Variants in LCORL observed in about 807,000 individuals in gnomAD.
LCORL encodes the protein ligand dependent nuclear receptor corepressor like, also known as ligand-dependent nuclear receptor corepressor-like protein.
Under a neutral mutation model 141.8 loss-of-function variants are expected in LCORL, and 41 were observed. That is an observed-to-expected ratio of 0.29 (90% confidence interval 0.23 to 0.38). LCORL has a LOEUF of 0.38. Among genes scored for constraint, LCORL ranks in the 10% least tolerant of loss-of-function variants. The probability of loss-of-function intolerance (pLI) is 1.00; values close to 1 mark genes in which losing one functional copy is unlikely to be tolerated. For synonymous variants in LCORL, 618 were observed against 694.1 expected (o/e 0.89, Z 1.72); for missense variants, 1,759 against 2,035.0 (o/e 0.86, Z 2.61).
intron 5 of LCORL, among the ~76,000 whole-genome samples, chr4:17,907,486 T>C (rs1330967293): frequency 2.6e-5 from 4 of 152,176 alleles, no homozygotes; most frequent in Non-Finnish European, 5.9e-5. Flanking sequence ...GCCTATGTTC[T>C]AGTCTCTTCA....
intron 4 of LCORL, among the ~76,000 whole-genome samples, chr4:17,961,210 TA>T (rs1713718866): frequency 6.6e-6 from 1 of 151,952 alleles, no homozygotes; most frequent in Non-Finnish European, 1.5e-5. Flanking sequence ...GTCCAGGTGG[TA>T]AAAATAAGAC....
chr4:17,927,067 C>T (rs1490141447), intron 4 of LCORL, among the ~76,000 whole-genome samples: 1 of 152,218 alleles, frequency 6.6e-6, no homozygotes, highest in Non-Finnish European at 1.5e-5. Flanking sequence ...TTGTTTGGTA[C>T]AGCCACCTTC....
intron 4 of LCORL, among the ~76,000 whole-genome samples, chr4:17,941,673 C>T (rs1737983707): frequency 1.3e-5 from 2 of 152,118 alleles, no homozygotes; most frequent in Admixed American, 6.5e-5. Context: ...ATATACAAAA[C>T]ACTTAAGTAT....
chr4:17,965,057 C>T (rs1358190318), intron 2 of LCORL, among the ~76,000 whole-genome samples: 3 of 151,922 alleles, frequency 2.0e-5, no homozygotes, highest in Non-Finnish European at 4.4e-5. Flanking sequence ...ATCAAGGCAT[C>T]CTGAGATTGT....
At chr4:17,870,501 G>A (rs190194321) in intron 7 of LCORL, among the ~76,000 whole-genome samples, 41 of 151,980 alleles carry the variant, frequency 2.7e-4, no homozygotes, top group Admixed American at 1.2e-3. Context: ...ACAATCCATC[G>A]CTCTCTCTCT....
chr4:17,881,804 T>C, intron 6 of LCORL: 1 of 982,946 alleles, frequency 1.0e-6, no homozygotes, highest in African/African-American at 1.7e-5. Context: ...AAGAGGTCAA[T>C]AAAATTGTTT....
At chr4:17,872,104 C>G (rs1014808623) in intron 7 of LCORL, among the ~76,000 whole-genome samples, 1 of 151,582 alleles carries the variant, frequency 6.6e-6, no homozygotes, top group Non-Finnish European at 1.5e-5. Context: ...TTCCCCAACC[C>G]CCCCAAAAAC....
intron 6 of LCORL, chr4:17,883,176 A>G (rs1727803044): frequency 4.1e-6 from 4 of 982,304 alleles, no homozygotes; most frequent in Non-Finnish European, 4.8e-6. Context: ...TGTATTTCAT[A>G]GAATGCACTG....
At chr4:17,996,064 C>T (rs1381094082) in intron 1 of LCORL, among the ~76,000 whole-genome samples, 1 of 151,894 alleles carries the variant, frequency 6.6e-6, no homozygotes, top group African/African-American at 2.4e-5. Flanking sequence ...AAATGTAATG[C>T]AATAAACAAA....
intron 4 of LCORL, among the ~76,000 whole-genome samples, chr4:17,934,844 CAT>C (rs1186315367): frequency 6.6e-6 from 1 of 152,152 alleles, no homozygotes; most frequent in Non-Finnish European, 1.5e-5. Flanking sequence ...AGACTAAAAG[CAT>C]TCACGAAACA....
At chr4:17,873,242 G>T (rs190454630) in intron 7 of LCORL, 146 bp downstream of exon 7, 1 of 445,038 alleles carries the variant, frequency 2.2e-6, no homozygotes, top group African/African-American at 2.0e-5. Flanking sequence ...CTAATTTCAC[G>T]AGTTTCATAC....
intron 1 of LCORL, among the ~76,000 whole-genome samples, chr4:17,974,989 T>C (rs139728280): frequency 2.1e-3 from 326 of 152,216 alleles, no homozygotes; most frequent in African/African-American, 7.3e-3. Flanking sequence ...TGACTAAAAA[T>C]TGAGTAATTT....
intron 1 of LCORL, among the ~76,000 whole-genome samples, chr4:18,007,873 T>C (rs1210723628): frequency 6.6e-6 from 1 of 152,118 alleles, no homozygotes; most frequent in African/African-American, 2.4e-5. Flanking sequence ...CTATTCTATT[T>C]ATGTGCTATG....
At chr4:17,978,566 C>T (rs902279829) in intron 1 of LCORL, among the ~76,000 whole-genome samples, 3 of 143,822 alleles carry the variant, frequency 2.1e-5, no homozygotes, top group Non-Finnish European at 4.5e-5. Context: ...CACCATAGAG[C>T]AAGACCTTGT....
At chr4:17,949,813 C>G (rs1739442821) in intron 4 of LCORL, among the ~76,000 whole-genome samples, 2 of 152,058 alleles carry the variant, frequency 1.3e-5, no homozygotes, top group Admixed American at 6.6e-5. Flanking sequence ...AAAGGATGTA[C>G]AGAGGGGTTT....
chr4:17,916,681 G>T (rs973653377), intron 4 of LCORL, among the ~76,000 whole-genome samples: 2 of 125,282 alleles, frequency 1.6e-5, no homozygotes, highest in African/African-American at 6.2e-5. Flanking sequence ...TAGTGTCCCC[G>T]TCACCCAGGC....
rs761384609 is a variant in LCORL, at chr4:18,021,759, C to T, written c.-8G>A. ...CTCTCTTCCCTTGTCCATCTGCGTC[C>T]CGCGTCACGCGCCCTCATTTACATA... On this transcript the variant is annotated 5_prime_UTR_variant, in exon 1 of 8. Transcript: ENST00000635767. The surrounding 1 kb of genome is among the most constrained non-coding windows in gnomAD (Gnocchi z 5.5). 1.3e-5 allele frequency: 19 copies of T among 1,487,186 alleles called. No homozygotes were observed. Among genetic ancestry groups the T allele is most frequent in the Admixed American group, 2.4e-5 (1 of 41,488 alleles). The allele number at this position is 1,487,186 out of a possible 1,614,324, so 92.1% of individuals were successfully genotyped here.
At position 17,885,393 on chromosome 4, in the gene LCORL, G is replaced by A. The variant is rs551779678; in HGVS notation, c.776+675C>T. 1.8e-3 allele frequency among the ~76,000 whole-genome samples: 277 copies of A among 151,722 alleles called. 1 individual carries two copies. The highest frequency in any genetic ancestry group is 6.3e-3 in the African/African-American group (259 of 41,414). Reference sequence around the variant, plus strand: ...AAACAGAAAGCTTACTATACCTTACGACTCAAATACTACTACAGCCGTAGT... The same window carrying A: ...AAACAGAAAGCTTACTATACCTTACAACTCAAATACTACTACAGCCGTAGT... On this transcript the variant is annotated intron_variant, in intron 6 of 7. Coordinates refer to ENST00000635767, the Ensembl canonical transcript of LCORL.
exon 8 of LCORL, chr4:17,841,771 T>G (rs1192352488): frequency 5.3e-5 from 8 of 152,238 alleles, no homozygotes; most frequent in African/African-American, 1.9e-4. Flanking sequence ...CCCCAGTATA[T>G]AAAGGTTCTA....
Sources: gnomAD v4.1 joint callset for allele counts (sites outside exome capture counted in the v4.1 genomes callset) on GRCh38, gnomAD v4.1.1 for gene constraint, Gnocchi (gnomAD v3.1) non-coding constraint, MANE v1.5 for transcripts, NCBI Gene and HGNC (gene_info 2026-07-23, HGNC 2026-07-21) for gene names.